INKA2: variants seen among roughly 807,000 people sequenced by gnomAD.
The protein encoded by INKA2 is PAK4-inhibitor INKA2.
A neutral mutation model predicts 9.8 loss-of-function variants in INKA2; 3 were observed. The observed-to-expected ratio is 0.31, with a 90% CI of 0.14 to 0.79. INKA2 has a LOEUF of 0.79. Ranked by LOEUF, INKA2 falls within the 30% of genes least tolerant of loss-of-function variation. INKA2 has a pLI of 0.62. For synonymous variants in INKA2, 147 were observed against 143.3 expected (o/e 1.03, Z -0.18); for missense variants, 392 against 384.4 (o/e 1.02, Z -0.17).
chr1:111,750,185 G>T (rs996646410), intron 1 of INKA2, among the ~76,000 whole-genome samples: 3 of 152,206 alleles, frequency 2.0e-5, no homozygotes, highest in Non-Finnish European at 4.4e-5. Flanking sequence ...TGAAGCCTGA[G>T]GGAGGATCAC....
At chr1:111,755,646 G>GGTGCCCCCACCGCAGGCCCGCGGCGCC in intron 1 of INKA2, 1 of 1,606,992 alleles carries the variant, frequency 6.2e-7, no homozygotes, top group South Asian at 1.1e-5. Context: ...GAGGCGGGGC[G>GGTGCCCCCACCGCAGGCCCGCGGCGCC]GTGCCCCCAC....
chr1:111,735,295 C>T (rs10489472), intron 1 of INKA2, among the ~76,000 whole-genome samples: 5,955 of 152,284 alleles, frequency 0.039, 139 homozygotes, highest in East Asian at 0.073. Flanking sequence ...ATGACTCTTA[C>T]GCAAAACAGT....
intron 1 of INKA2, among the ~76,000 whole-genome samples, chr1:111,737,479 G>A (rs1039999035): frequency 3.3e-5 from 5 of 152,176 alleles, no homozygotes; most frequent in Admixed American, 6.5e-5. Flanking sequence ...TCCCCAATTC[G>A]AAGCACAAAA....
chr1:111,740,971 TAAAAAAA>T (rs869221820), upstream of INKA2, among the ~76,000 whole-genome samples: 8 of 38,404 alleles, frequency 2.1e-4, no homozygotes, highest in African/African-American at 2.5e-4. Context: ...AAACTCCGTT[TAAAAAAA>T]AAAAAAAAAA....
intron 1 of INKA2, among the ~76,000 whole-genome samples, chr1:111,735,776 C>T (rs1206039978): frequency 6.6e-6 from 1 of 152,198 alleles, no homozygotes; most frequent in African/African-American, 2.4e-5. Flanking sequence ...AGACCCTGGT[C>T]CTTACCCATT....
chr1:111,748,922 T>G (rs1663331922), intron 1 of INKA2, among the ~76,000 whole-genome samples: 1 of 152,206 alleles, frequency 6.6e-6, no homozygotes, highest in Non-Finnish European at 1.5e-5. Flanking sequence ...TCTTGGGACC[T>G]AAGAATAGAT....
intron 1 of INKA2, among the ~76,000 whole-genome samples, chr1:111,736,537 C>T (rs762889403): frequency 6.6e-6 from 1 of 152,214 alleles, no homozygotes; most frequent in Non-Finnish European, 1.5e-5. Context: ...GTTTATCCCA[C>T]AGTGTCTGCA....
chr1:111,736,732 A>T (rs1166063625), intron 1 of INKA2, among the ~76,000 whole-genome samples: 1 of 152,230 alleles, frequency 6.6e-6, no homozygotes, highest in Non-Finnish European at 1.5e-5. Flanking sequence ...TCCCTAGCTC[A>T]TGACAGAAAC....
chr1:111,729,387 C>T (rs995029764), intron 1 of INKA2, among the ~76,000 whole-genome samples: 1 of 152,234 alleles, frequency 6.6e-6, no homozygotes, highest in African/African-American at 2.4e-5. Context: ...CCCGGCCAAG[C>T]CATAGTGAGA....
chr1:111,729,116 TGAA>T (rs1212233082), intron 1 of INKA2, among the ~76,000 whole-genome samples: 1 of 151,970 alleles, frequency 6.6e-6, no homozygotes, highest in East Asian at 1.9e-4. Context: ...TACAGGACAG[TGAA>T]GAAGGGCTGA....
At position 111,722,739 on chromosome 1, in the gene INKA2, C is replaced by T. The variant is rs1343469199; in HGVS notation, c.*4229G>A. ...ATGTCACCTATTGTCTTCTCTGACC[C>T]TTGCTACAATCCTGTGAGATATTAA... On this transcript the variant is annotated 3_prime_UTR_variant, in exon 2 of 2. Transcript: ENST00000357260. 5 of 257,688 alleles carry T rather than the reference C, an allele frequency of 1.9e-5. No individual in the cohort carries two copies. Among genetic ancestry groups the T allele is most frequent in the Non-Finnish European group, 3.8e-5 (5 of 132,820 alleles). The allele number at this position is 257,688 out of a possible 1,614,324, so 16.0% of individuals were successfully genotyped here. A position where few individuals can be genotyped will look rare whatever the true frequency, so the allele number is the denominator to read the frequency against.
At position 111,739,192 on chromosome 1, in the gene INKA2, C is replaced by T. The variant is rs765513678; in HGVS notation, c.51G>A (p.Gln17=). 3.7e-6 allele frequency: 6 copies of T among 1,613,698 alleles called. No individual in the cohort carries two copies. The Admixed American group carries it at 5.0e-5, about 13-fold the overall frequency. The change falls in exon 1 of 2, where the codon CAG becomes CAA. Residue 17 remains glutamine (Q), a synonymous_variant. Coordinates refer to ENST00000357260, the MANE Select transcript of INKA2 (RefSeq NM_019099.5). ...EMDCYLRRLK[Q]ELMSMKEVGD... ...GCGCCAGCTTCGCTCTTACCAGCTC[C>T]TGTTTGAGGCGACGGAGATAGCAGT... is the stretch of plus-strand genomic sequence containing the variant.
Position 111,723,319 on chromosome 1 carries a change from T to G in INKA2, c.*3649A>C. ...TTTGGGGCAAGTTTGGGTTCAGAGA[T>G]CACCCTGAGGGGCGGGGCACAAGGG... On this transcript the variant is annotated 3_prime_UTR_variant, in exon 2 of 2. Transcript: ENST00000357260. The G allele has an allele frequency of 3.9e-6, 2 of 512,460 alleles. No homozygotes were observed. The highest frequency in any genetic ancestry group is 6.9e-6 in the Non-Finnish European group (2 of 290,754). The allele number at this position is 512,460 out of a possible 1,614,324, so 31.7% of individuals were successfully genotyped here. A position where few individuals can be genotyped will look rare whatever the true frequency, so the allele number is the denominator to read the frequency against.
Position 111,726,068 on chromosome 1 carries a change from GT to G in INKA2, c.*899del. On this transcript the variant is annotated 3_prime_UTR_variant, in exon 2 of 2. Transcript: ENST00000357260. The stretch of plus-strand genomic sequence containing the variant: ...GTGCTAAGAACTGTTGGGGAGGAGT[GT>G]TGGTAACTCCAGGGTCCAGCTTCTA... 1 of 398,684 alleles carries G rather than the reference GT, an allele frequency of 2.5e-6. No individual in the cohort carries two copies. The highest frequency in any genetic ancestry group is 1.3e-4 in the South Asian group (1 of 7,860). The allele number at this position is 398,684 out of a possible 1,614,324, so 24.7% of individuals were successfully genotyped here. A position where few individuals can be genotyped will look rare whatever the true frequency, so the allele number is the denominator to read the frequency against.
At chr1:111,737,842 G>A (rs528444422) in intron 1 of INKA2, among the ~76,000 whole-genome samples, 2 of 152,344 alleles carry the variant, frequency 1.3e-5, no homozygotes, top group South Asian at 4.1e-4. Flanking sequence ...CCTGGAGTAG[G>A]ACTGACAGGA....
At chr1:111,728,038 T>TACAC (rs60867844) in intron 1 of INKA2, among the ~76,000 whole-genome samples, 1,216 of 109,488 alleles carry the variant, frequency 0.011, 11 homozygotes, top group South Asian at 0.016. Context: ...CCCCACCCCA[T>TACAC]ACACACACAC....
intron 1 of INKA2, among the ~76,000 whole-genome samples, chr1:111,737,410 C>G (rs1205007295): frequency 6.6e-6 from 1 of 152,070 alleles, no homozygotes; most frequent in East Asian, 1.9e-4. Context: ...AAATTCGAGC[C>G]CATGCCAGGA....
rs1662763879 is a variant in INKA2 at position 111,726,102 on chromosome 1, G to T, written c.*866C>A. On this transcript the variant is annotated 3_prime_UTR_variant, in exon 2 of 2. Coordinates refer to ENST00000357260, the MANE Select transcript of INKA2 (RefSeq NM_019099.5). ...TCCAGGGTCCAGCTTCTACTCTGCA[G>T]TTAGACCTAGGCTGTTCTGCCTCCT... 4 of 398,584 alleles carry T rather than the reference G, an allele frequency of 1.0e-5. No individual in the cohort carries two copies. The highest frequency in any genetic ancestry group is 1.8e-5 in the Non-Finnish European group (4 of 226,110). 24.7% of individuals were successfully genotyped at this position (398,584 alleles called of 1,614,324 possible).
Position 111,727,767 on chromosome 1 carries a change from T to G in INKA2, c.95A>C (p.Gln32Pro). 1 of 1,610,828 alleles carries G rather than the reference T, an allele frequency of 6.2e-7. No individual in the cohort carries two copies. The highest frequency in any genetic ancestry group is 8.5e-7 in the Non-Finnish European group (1 of 1,180,016). ...CAGTGCACCCATCATGCAGTTCATC[T>G]GATCCTGTAAGCCATCACCCACCTC... ...MKEVGDGLQD[Q>P]MNCMMGALQE... The change falls in exon 2 of 2, where the codon CAG (glutamine) becomes CCG (proline). Residue 32 changes from glutamine to proline, a missense_variant. Physicochemically the swap from Gln to Pro is moderately conservative, Grantham distance 76 (BLOSUM62 -1). Coordinates refer to ENST00000357260, the MANE Select transcript of INKA2 (RefSeq NM_019099.5).
Sources: gnomAD v4.1 joint callset for allele counts (sites outside exome capture counted in the v4.1 genomes callset) on GRCh38, gnomAD v4.1.1 for gene constraint, MANE v1.5 for transcripts, NCBI Gene and HGNC (gene_info 2026-07-23, HGNC 2026-07-21) for gene names.